The following TNS1 variants were observed in gnomAD, a reference collection of about 807,000 sequenced individuals.
The protein encoded by TNS1 is tensin-1.
TNS1 carries 62 observed loss-of-function variants against 168.6 expected under a neutral mutation model. That is an observed-to-expected ratio of 0.37 (90% CI 0.30 to 0.45). TNS1 has a LOEUF of 0.45. TNS1 is among the 20% of genes least tolerant of loss of function. The probability of loss-of-function intolerance (pLI) is 1.00; values close to 1 mark genes in which losing one functional copy is unlikely to be tolerated. For synonymous variants in TNS1, 934 were observed against 933.2 expected (o/e 1.00, Z -0.02); for missense variants, 2,240 against 2,339.4 (o/e 0.96, Z 0.88).
intron 19 of TNS1, among the ~76,000 whole-genome samples, chr2:217,846,407 G>T (rs1468493103): frequency 6.6e-6 from 1 of 152,138 alleles, no homozygotes; most frequent in Non-Finnish European, 1.5e-5. Flanking sequence ...TCCAGGGAGG[G>T]TGTTTCCTTC....
Position 217,818,342 on chromosome 2 carries a change from A to G in TNS1, c.3990T>C (p.His1330=), listed in dbSNP as rs1424324744. The change falls in exon 24 of 33, where the codon CAT becomes CAC. Residue 1330 remains histidine (H), a synonymous_variant. Transcript: ENST00000682258. ...QMMGPPGTGF[H]GSTVSSPQSS... is the part of the protein sequence containing the mutation. ...TCTGGGGGCTGGAGACAGTGCTACC[A>G]TGGAAGCCAGTGCCTGGTGGACCCA... The G allele has an allele frequency of 1.2e-5, 19 of 1,614,008 alleles. No individual in the cohort carries two copies. The highest frequency in any genetic ancestry group is 6.7e-5 in the Admixed American group (4 of 60,010).
chr2:217,978,114 C>T (rs1575153260), intron 3 of TNS1, among the ~76,000 whole-genome samples: 1 of 152,198 alleles, frequency 6.6e-6, no homozygotes, highest in Admixed American at 6.5e-5. Context: ...CCAGCCTGGC[C>T]AACCAGGGCC....
At position 217,849,023 on chromosome 2, in the gene TNS1, G is replaced by A. The variant is rs1197312882; in HGVS notation, c.1494C>T (p.Asp498=). The A allele has an allele frequency of 7.4e-6, 12 of 1,613,882 alleles. No individual in the cohort carries two copies. Among genetic ancestry groups the A allele is most frequent in the Non-Finnish European group, 1.0e-5 (12 of 1,180,012 alleles). Residue 498 remains aspartate (D), a synonymous_variant, in exon 19 of 33, where the codon GAC becomes GAT. Coordinates refer to ENST00000682258, the MANE Select transcript of TNS1 (RefSeq NM_001387777.1). ...CAGCCCCGGTGCTGCCGTGCAGGGA[G>A]TCTTTCTTCTTCACCTTAGCATACA... ...GSLYAKVKKK[D]SLHGSTGAVN...
At chr2:217,872,269 C>G (rs1335841913) in intron 18 of TNS1, among the ~76,000 whole-genome samples, 1 of 152,178 alleles carries the variant, frequency 6.6e-6, no homozygotes, top group East Asian at 1.9e-4. Context: ...GTGAAAAGAC[C>G]ACTCACAGAA....
rs538638267 is a variant in TNS1 at position 217,906,375 on chromosome 2, G to C, written c.281C>G (p.Ala94Gly). The change falls in exon 6 of 33, where the codon GCC (alanine) becomes GGC (glycine). Residue 94 changes from alanine to glycine, a missense_variant. Around this residue, in one of 2 missense-constraint regions of TNS1, gnomAD observed 2,131 missense variants for 2,171.2 expected, o/e 0.98. Coordinates refer to ENST00000682258, the MANE Select transcript of TNS1 (RefSeq NM_001387777.1). ...TTTCCGTGTGTTTCCACCCCGGGAG[G>C]CTCCTTCTCCCTGCAGACAGAGAAA... ...PKNVVDKGEG[A>G]SRGGNTRKSL... 2 of 702,468 alleles carry C rather than the reference G, an allele frequency of 2.8e-6. No homozygotes were observed. Among genetic ancestry groups the C allele is most frequent in the East Asian group, 2.7e-5 (1 of 37,274 alleles). 43.5% of individuals were successfully genotyped at this position (702,468 alleles called of 1,614,324 possible). A position where few individuals can be genotyped will look rare whatever the true frequency, so the allele number is the denominator to read the frequency against.
intron 3 of TNS1, among the ~76,000 whole-genome samples, chr2:217,937,360 G>A (rs1382611259): frequency 6.6e-6 from 1 of 152,114 alleles, no homozygotes; most frequent in Non-Finnish European, 1.5e-5. Context: ...GGGTCCACAG[G>A]CACTGCCCCG....
chr2:217,936,958 T>A (rs1956640911), intron 3 of TNS1: 1 of 456,696 alleles, frequency 2.2e-6, no homozygotes, highest in African/African-American at 2.0e-5. Context: ...AGACCCACGC[T>A]TGTTATTTCT....
At chr2:217,997,226 G>A (rs1031511631) in intron 1 of TNS1, among the ~76,000 whole-genome samples, 2 of 152,084 alleles carry the variant, frequency 1.3e-5, no homozygotes, top group African/African-American at 2.4e-5. Flanking sequence ...AGATGAACAC[G>A]CATGTTCCCT....
At chr2:217,824,850 C>T (rs968977292) in intron 22 of TNS1, among the ~76,000 whole-genome samples, 1 of 152,146 alleles carries the variant, frequency 6.6e-6, no homozygotes, top group Non-Finnish European at 1.5e-5. Context: ...CTCTCCCAGC[C>T]AGGGAGAGAA....
chr2:217,813,671 G>A lies in TNS1; in HGVS notation c.4861+14C>T. ...TCACCTGGTCCTGAGCCCCATTCTG[G>A]GAGATGAGGTTACCTTTTTTATTCT... On this transcript the variant is annotated intron_variant, in intron 26 of 32. Coordinates refer to ENST00000682258, the MANE Select transcript of TNS1 (RefSeq NM_001387777.1). This position sits in a 1 kb window ranked among gnomAD's most constrained non-coding sequence, Gnocchi z 4.0. 1 of 1,599,864 alleles carries A rather than the reference G, an allele frequency of 6.3e-7. No homozygotes were observed. Among genetic ancestry groups the A allele is most frequent in the Non-Finnish European group, 8.5e-7 (1 of 1,172,508 alleles).
At chr2:217,911,477 A>G (rs940307300) in intron 4 of TNS1, among the ~76,000 whole-genome samples, 9 of 152,172 alleles carry the variant, frequency 5.9e-5, no homozygotes, top group African/African-American at 2.2e-4. Flanking sequence ...TGCACCCTAG[A>G]GGCCTCACTC....
At chr2:217,953,769 G>A (rs1575134144) in intron 3 of TNS1, among the ~76,000 whole-genome samples, 1 of 152,142 alleles carries the variant, frequency 6.6e-6, no homozygotes, top group Non-Finnish European at 1.5e-5. Context: ...GCAGGCAGAG[G>A]GAGCCCAGCT....
intron 6 of TNS1, among the ~76,000 whole-genome samples, chr2:217,902,538 G>A (rs1953131177): frequency 6.6e-6 from 1 of 152,076 alleles, no homozygotes; most frequent in African/African-American, 2.4e-5. Flanking sequence ...AGGACAAGCA[G>A]GACAGGAGAC....
chr2:217,892,431 A>C (rs1334710383), intron 11 of TNS1, among the ~76,000 whole-genome samples: 3 of 152,216 alleles, frequency 2.0e-5, no homozygotes, highest in African/African-American at 7.2e-5. Context: ...TAACAAAACG[A>C]ATGGGTGAAT....
In TNS1 at chr2:217,802,284, T is replaced by A. The variant is rs867322559; in HGVS notation, c.*2175A>T. On this transcript the variant is annotated 3_prime_UTR_variant, in exon 33 of 33. Coordinates refer to ENST00000682258, the MANE Select transcript of TNS1 (RefSeq NM_001387777.1). ...TTGGTCACCAGGCACAAGGTTTCAC[T>A]CTGGGAAGCAGGGGGTGGCCAGTGG... 1 of 152,196 alleles carries A rather than the reference T, an allele frequency of 6.6e-6. No individual in the cohort carries two copies. The highest frequency in any genetic ancestry group is 1.5e-5 in the Non-Finnish European group (1 of 68,024). The allele number at this position is 152,196 out of a possible 1,614,324, so 9.4% of individuals were successfully genotyped here.
rs1436121754 is a variant in TNS1, at chr2:217,920,240, T to C, written c.187-4A>G. The stretch of plus-strand genomic sequence containing the variant: ...GAGGAACGCAGGGGGCAGCCACCTG[T>C]GGAAGGAACAGAGAACGGGCAGGTG... On this transcript the variant is annotated splice_region_variant and splice_polypyrimidine_tract_variant and intron_variant, in intron 3 of 32. Coordinates refer to ENST00000682258, the MANE Select transcript of TNS1 (RefSeq NM_001387777.1). 1 of 702,930 alleles carries C rather than the reference T, an allele frequency of 1.4e-6. No homozygotes were observed. The allele number at this position is 702,930 out of a possible 1,614,324, so 43.5% of individuals were successfully genotyped here. A position where few individuals can be genotyped will look rare whatever the true frequency, so the allele number is the denominator to read the frequency against.
chr2:217,880,624 C>T lies in TNS1; in HGVS notation c.1429+274G>A, dbSNP rs1041047816. Among the ~76,000 whole-genome samples, 1 of 152,328 alleles carries T rather than the reference C, an allele frequency of 6.6e-6. No individual in the cohort carries two copies. Among genetic ancestry groups the T allele is most frequent in the East Asian group, 1.9e-4 (1 of 5,190 alleles). ...CCAATCCCAGAGAACTCACTGTCCA[C>T]GGAACTTACTTGGCTGTAGCAACAC... On this transcript the variant is annotated intron_variant, in intron 18 of 32. Transcript: ENST00000682258. The surrounding 1 kb of genome is among the most constrained non-coding windows in gnomAD (Gnocchi z 4.2).
At chr2:217,989,333 C>A (rs1958290869) in intron 2 of TNS1, among the ~76,000 whole-genome samples, 1 of 152,112 alleles carries the variant, frequency 6.6e-6, no homozygotes, top group African/African-American at 2.4e-5. Context: ...CGGTGGGTCA[C>A]AGAGAATAGG....
Position 217,835,089 on chromosome 2 carries a change from AC to A in TNS1, c.3280+1del, listed in dbSNP as rs1350129072. 1 of 1,563,080 alleles carries A rather than the reference AC, an allele frequency of 6.4e-7. No individual in the cohort carries two copies. Among genetic ancestry groups the A allele is most frequent in the East Asian group, 2.4e-5 (1 of 41,348 alleles). On this transcript the variant is annotated splice_donor_variant, in intron 21 of 32. Transcript: ENST00000682258. LOFTEE classifies it high-confidence loss of function. The stretch of plus-strand genomic sequence containing the variant: ...AAGACGAGCTTCACAGGGAATTCTT[AC>A]CCCCACTGGGTGGTGGGCTGCTCGG...
Sources: gnomAD v4.1 joint callset for allele counts (sites outside exome capture counted in the v4.1 genomes callset) on GRCh38, gnomAD v4.1.1 for gene constraint, gnomAD v4.1.1 regional missense constraint, Gnocchi (gnomAD v3.1) non-coding constraint, MANE v1.5 for transcripts, NCBI Gene and HGNC (gene_info 2026-07-23, HGNC 2026-07-21) for gene names.